APOB: variants seen among roughly 807,000 people sequenced by gnomAD.
APOB encodes the protein apolipoprotein B.
A neutral mutation model predicts 314.1 loss-of-function variants in APOB; 153 were observed. That is an observed-to-expected ratio of 0.49 (90% CI 0.43 to 0.56). APOB has a LOEUF of 0.56. Ranked by LOEUF, APOB falls within the 20% of genes least tolerant of loss-of-function variation. APOB has a pLI of 0.00. For missense variants in APOB, 5,430 were observed against 5,350.7 expected (o/e 1.01, Z -0.46); for synonymous variants, 2,087 against 2,036.4 (o/e 1.02, Z -0.67).
chr2:21,042,233 A>G (rs1664147955), intron 3 of APOB, 128 bp downstream of exon 3: 2 of 777,994 alleles, frequency 2.6e-6, no homozygotes, highest in Admixed American at 3.6e-5. Context: ...TCAGATTACA[A>G]CAGTTCTGGG....
At chr2:21,014,858 T>C (rs1663423838) in intron 23 of APOB, among the ~76,000 whole-genome samples, 1 of 152,392 alleles carries the variant, frequency 6.6e-6, no homozygotes, top group Non-Finnish European at 1.5e-5. Flanking sequence ...AGAACTGTTC[T>C]ACTTAGTAGC....
chr2:21,004,679 T>A lies in APOB; in HGVS notation c.11789-4A>T, dbSNP rs781614429. ...TCGATTTTGTGTGTTCCCAAAACTG[T>A]ATAGGAGAGATTTTGTATTTTATTA... On this transcript the variant is annotated splice_region_variant and splice_polypyrimidine_tract_variant and intron_variant, in intron 26 of 28. Coordinates refer to ENST00000233242, the MANE Select transcript of APOB (RefSeq NM_000384.3). 1 of 1,599,808 alleles carries A rather than the reference T, an allele frequency of 6.3e-7. No individual in the cohort carries two copies. Among genetic ancestry groups the A allele is most frequent in the East Asian group, 2.2e-5 (1 of 44,804 alleles).
At chr2:21,023,776 A>T in intron 16 of APOB, 84 bp from the exon 17 acceptor site, 6 of 1,147,930 alleles carry the variant, frequency 5.2e-6, no homozygotes, top group Non-Finnish European at 7.4e-6. Flanking sequence ...TACATTGGAG[A>T]GTAATTCCTC....
chr2:21,003,336 T>TA lies in APOB; in HGVS notation c.12088-3dup, dbSNP rs1558559559. On this transcript the variant is annotated splice_region_variant and splice_polypyrimidine_tract_variant and intron_variant, in intron 28 of 28. Transcript: ENST00000233242. ...GGTGAGTTTTTTATCTGGAGAGGAC[T>TA]AAACAGAGAGAAAAAAAAAAATAAC... The TA allele has an allele frequency of 6.2e-7, 1 of 1,609,220 alleles. No individual in the cohort carries two copies. The highest frequency in any genetic ancestry group is 1.7e-5 in the Admixed American group (1 of 59,802).
At chr2:21,014,073 C>T (rs1179274108) in intron 24 of APOB, among the ~76,000 whole-genome samples, 4 of 152,200 alleles carry the variant, frequency 2.6e-5, no homozygotes, top group Non-Finnish European at 4.4e-5. Flanking sequence ...AGAATGCTGC[C>T]TCCATTTAGT....
At position 21,007,899 on chromosome 2, in the gene APOB, G is replaced by C. The variant is rs1663191195; in HGVS notation, c.8969C>G (p.Ser2990Ter). ...GCCCACATGCTGGGAATCGACTTGT[G>C]ATTGAATTTCAAGTTTAGAAAAGTT... is the stretch of plus-strand genomic sequence containing the variant. ...SLNFSKLEIQ[S>*]QVDSQHVGHS... Residue 2990 changes from serine to a stop codon, truncating the protein, a stop_gained, in exon 26 of 29, where the codon TCA (serine) becomes TGA (stop). Transcript: ENST00000233242. LOFTEE classifies it high-confidence loss of function. 1 of 1,613,936 alleles carries C rather than the reference G, an allele frequency of 6.2e-7. No individual in the cohort carries two copies. The highest frequency in any genetic ancestry group is 1.3e-5 in the African/African-American group (1 of 74,912).
At chr2:21,031,538 G>A (rs779628615) in intron 10 of APOB, among the ~76,000 whole-genome samples, 1 of 152,150 alleles carries the variant, frequency 6.6e-6, no homozygotes, top group Non-Finnish European at 1.5e-5. Context: ...TGAAAGCCCT[G>A]ACTTAACTAC....
Position 21,029,629 on chromosome 2 carries a change from T to C in APOB, c.1617+10A>G. 5 of 1,614,176 alleles carry C rather than the reference T, an allele frequency of 3.1e-6. No homozygotes were observed. The highest frequency in any genetic ancestry group is 2.5e-6 in the Non-Finnish European group (3 of 1,179,996). ...ACTTTCACTTTCAGACCTCTTCTTG[T>C]GGACTTTACCTTGTCTTTAGGCTCC... On this transcript the variant is annotated intron_variant, in intron 12 of 28. Coordinates refer to ENST00000233242, the MANE Select transcript of APOB (RefSeq NM_000384.3).
In APOB at chr2:21,023,047, A is replaced by G. The variant is rs995773510; in HGVS notation, c.2605-5T>C. On this transcript the variant is annotated splice_region_variant and splice_polypyrimidine_tract_variant and intron_variant, in intron 17 of 28. Coordinates refer to ENST00000233242, the MANE Select transcript of APOB (RefSeq NM_000384.3). ...TGCCACCAGTTCAGCCTGCATCTAT[A>G]AGTCAGAAAACAACCTATTCAGATT... 6.2e-7 allele frequency: 1 copy of G among 1,613,746 alleles called. No homozygotes were observed. Among genetic ancestry groups the G allele is most frequent in the Non-Finnish European group, 8.5e-7 (1 of 1,179,714 alleles).
At position 21,009,370 on chromosome 2, in the gene APOB, A is replaced by G. The variant is rs1175338958; in HGVS notation, c.7498T>C (p.Leu2500=). ...ATGTGAGCCAAAGATGCTGAACTTA[A>G]AGCCTCCTGTAACCAATTGATGATT... is the stretch of plus-strand genomic sequence containing the variant. ...TLIINWLQEA[L]SSASLAHMKA... Residue 2500 remains leucine (L), a synonymous_variant, in exon 26 of 29, where the codon TTA becomes CTA. Transcript: ENST00000233242. 6.2e-7 allele frequency: 1 copy of G among 1,614,086 alleles called. No homozygotes were observed. Among genetic ancestry groups the G allele is most frequent in the Non-Finnish European group, 8.5e-7 (1 of 1,179,972 alleles).
intron 24 of APOB, 147 bp from the exon 25 acceptor site, chr2:21,013,680 C>G (rs1222693194): frequency 8.6e-7 from 1 of 1,161,482 alleles, no homozygotes; most frequent in East Asian, 2.5e-5. Flanking sequence ...TGCCTGGACC[C>G]CTTTGCTTTT....
At position 21,010,968 on chromosome 2, in the gene APOB, T is replaced by C. The variant is rs1572783946; in HGVS notation, c.5900A>G (p.Lys1967Arg). 6.2e-7 allele frequency: 1 copy of C among 1,614,036 alleles called. No individual in the cohort carries two copies. The highest frequency in any genetic ancestry group is 1.3e-5 in the African/African-American group (1 of 74,908). ...RKSISAALEH[K>R]VSALLTPAEQ... ...AGCTGGAGTAAGCAGGGCACTGACT[T>C]TGTGTTCAAGAGCTGCACTGATGCT... Residue 1967 changes from lysine (K) to arginine (R), a missense_variant, in exon 26 of 29, where the codon AAA becomes AGA. This residue lies in a region of APOB where 3,281 missense variants were observed against 3,171.0 expected (regional missense o/e 1.03). Coordinates refer to ENST00000233242, the MANE Select transcript of APOB (RefSeq NM_000384.3).
rs532140820 is a variant in APOB, at chr2:21,018,601, C to A, written c.3121+391G>T. Reference sequence around the variant, plus strand: ...TTTCTGATAGGTCTCCTTATGCTCACTTTACCAGGGAGACTTTCCCTTATT... The same window carrying A: ...TTTCTGATAGGTCTCCTTATGCTCAATTTACCAGGGAGACTTTCCCTTATT... On this transcript the variant is annotated intron_variant, in intron 20 of 28. Coordinates refer to ENST00000233242, the MANE Select transcript of APOB (RefSeq NM_000384.3). Among the ~76,000 whole-genome samples, 9 of 152,288 alleles carry A rather than the reference C, an allele frequency of 5.9e-5. No homozygotes were observed. In the East Asian group the frequency reaches 9.7e-4, roughly 16 times the overall value.
intron 10 of APOB, among the ~76,000 whole-genome samples, chr2:21,031,092 C>G (rs1246301937): frequency 6.6e-6 from 1 of 152,104 alleles, no homozygotes; most frequent in East Asian, 1.9e-4. Context: ...TCCAACAATC[C>G]CATTACTGGG....
At chr2:21,023,480 A>G in intron 17 of APOB, 45 bp downstream of exon 17, 1 of 1,606,896 alleles carries the variant, frequency 6.2e-7, no homozygotes, top group Non-Finnish European at 8.5e-7. Flanking sequence ...TGCACCCTGG[A>G]AGAAAGTAAT....
chr2:21,023,477 T>C, intron 17 of APOB, 48 bp downstream of exon 17: 1 of 1,604,302 alleles, frequency 6.2e-7, no homozygotes, highest in Non-Finnish European at 8.5e-7. Context: ...AAATGCACCC[T>C]GGAAGAAAGT....
chr2:21,010,740 C>T lies in APOB; in HGVS notation c.6128G>A (p.Arg2043Lys), dbSNP rs1256680077. ...TTCTTGGGGCTTCTCAACGGCATCT[C>T]TCATCTCTAAAGCATCAATGATATT... ...PINIIDALEM[R>K]DAVEKPQEFT... The change falls in exon 26 of 29, where the codon AGA becomes AAA. Residue 2043 changes from arginine (R) to lysine (K), a missense_variant. Coordinates refer to ENST00000233242, the MANE Select transcript of APOB (RefSeq NM_000384.3). The T allele has an allele frequency of 2.5e-6, 4 of 1,614,034 alleles. No homozygotes were observed. The highest frequency in any genetic ancestry group is 1.7e-6 in the Non-Finnish European group (2 of 1,179,920).
At position 21,008,294 on chromosome 2, in the gene APOB, T is replaced by G; in HGVS notation, c.8574A>C (p.Ala2858=). 2 of 1,613,570 alleles carry G rather than the reference T, an allele frequency of 1.2e-6. No homozygotes were observed. Among genetic ancestry groups the G allele is most frequent in the South Asian group, 2.2e-5 (2 of 91,072 alleles). ...NAIEGKSNTV[A]SLHTEKNTLE... ...GTGTATTTTTTTCTGTGTGTAAACT[T>G]GCCACTGTGTTTGATTTTCCCTCAA... Residue 2858 remains alanine (A), a synonymous_variant, in exon 26 of 29, where the codon GCA becomes GCC. Coordinates refer to ENST00000233242, the MANE Select transcript of APOB (RefSeq NM_000384.3).
At position 21,016,445 on chromosome 2, in the gene APOB, T is replaced by A. The variant is rs1483048912; in HGVS notation, c.3326A>T (p.His1109Leu). ...GACCCTCGGCCTTCTTTACCTTAGG[T>A]GGCCCATGAGGGCGACCTCAGTAAT... ...KKITEVALMG[H>L]LSCDTKEERK... The change falls in exon 21 of 29, where the codon CAC becomes CTC. Residue 1109 changes from histidine to leucine, a missense_variant. Transcript: ENST00000233242. 1.3e-6 allele frequency: 2 copies of A among 1,588,608 alleles called. No homozygotes were observed. The highest frequency in any genetic ancestry group is 1.7e-5 in the Admixed American group (1 of 59,984).
Sources: gnomAD v4.1 joint callset for allele counts (sites outside exome capture counted in the v4.1 genomes callset) on GRCh38, gnomAD v4.1.1 for gene constraint, gnomAD v4.1.1 regional missense constraint, MANE v1.5 for transcripts, NCBI Gene and HGNC (gene_info 2026-07-23, HGNC 2026-07-21) for gene names.